Variants in CNTN5 observed in about 807,000 individuals in gnomAD.
CNTN5 encodes the protein contactin 5.
A neutral mutation model predicts 129.1 loss-of-function variants in CNTN5; 77 were observed. The ratio of observed to expected loss-of-function variants is 0.60; its 90% CI spans 0.50 to 0.72. The LOEUF is 0.72. CNTN5 is among the 30% of genes least tolerant of loss of function. The pLI, the probability that CNTN5 is intolerant of heterozygous loss-of-function variation, is 0.00. For synonymous variants in CNTN5, 509 were observed against 465.6 expected (o/e 1.09, Z -1.20); for missense variants, 1,478 against 1,328.8 (o/e 1.11, Z -1.75).
intron 1 of CNTN5, among the ~76,000 whole-genome samples, chr11:99,258,647 C>T (rs1452653471): frequency 1.3e-5 from 2 of 151,880 alleles, no homozygotes; most frequent in African/African-American, 4.8e-5. Flanking sequence ...ATGTAATAAA[C>T]TCATTCATTA....
chr11:100,284,263 T>A (rs1400104687), intron 18 of CNTN5, among the ~76,000 whole-genome samples: 1 of 152,108 alleles, frequency 6.6e-6, no homozygotes, highest in Admixed American at 6.5e-5. Flanking sequence ...CAAAAGTGAG[T>A]TTTATGTGTA....
chr11:99,088,628 C>T (rs1829004426), intron 1 of CNTN5, among the ~76,000 whole-genome samples: 2 of 152,066 alleles, frequency 1.3e-5, no homozygotes, highest in South Asian at 4.1e-4. Context: ...AAAAGGTTGC[C>T]TCCCAATAAA....
chr11:100,192,185 G>A (rs1308937603), intron 14 of CNTN5, among the ~76,000 whole-genome samples: 1 of 151,786 alleles, frequency 6.6e-6, no homozygotes, highest in Non-Finnish European at 1.5e-5. Flanking sequence ...TTCCTTCTGT[G>A]TGCTAGTTGT....
chr11:100,354,859 C>T (rs1421154858), intron 24 of CNTN5, among the ~76,000 whole-genome samples: 1 of 151,538 alleles, frequency 6.6e-6, no homozygotes, highest in African/African-American at 2.4e-5. Context: ...AAGATATAGT[C>T]AGTATAAAAG....
intron 2 of CNTN5, among the ~76,000 whole-genome samples, chr11:99,422,215 C>A (rs1021358706): frequency 6.6e-6 from 1 of 152,144 alleles, no homozygotes; most frequent in East Asian, 1.9e-4. Flanking sequence ...TAAATAGTGG[C>A]AGTCATAAAA....
At chr11:99,716,851 G>T (rs967407899) in intron 3 of CNTN5, among the ~76,000 whole-genome samples, 1 of 152,024 alleles carries the variant, frequency 6.6e-6, no homozygotes, top group Non-Finnish European at 1.5e-5. Flanking sequence ...GTTTTAAAAC[G>T]AAAGTATTTT....
chr11:100,312,651 T>C (rs1281457318), intron 21 of CNTN5, among the ~76,000 whole-genome samples: 1 of 152,064 alleles, frequency 6.6e-6, no homozygotes, highest in Non-Finnish European at 1.5e-5. Context: ...AGGGCATTTG[T>C]CATCAAAACC....
At chr11:99,345,134 A>G (rs1458943108) in intron 2 of CNTN5, among the ~76,000 whole-genome samples, 2 of 152,196 alleles carry the variant, frequency 1.3e-5, no homozygotes, top group African/African-American at 4.8e-5. Flanking sequence ...GGACTCCTGT[A>G]AAGCAAGCAT....
At chr11:99,063,923 G>A (rs10892746) in intron 1 of CNTN5, among the ~76,000 whole-genome samples, 70,201 of 151,724 alleles carry the variant, frequency 0.46, 16,609 homozygotes, top group South Asian at 0.53. Flanking sequence ...TAAGTGTGCA[G>A]TTTTTACCTA....
At chr11:99,409,111 G>A (rs1942268643) in intron 2 of CNTN5, among the ~76,000 whole-genome samples, 1 of 152,064 alleles carries the variant, frequency 6.6e-6, no homozygotes. Flanking sequence ...TAATGTAGTT[G>A]ATATTTCTAA....
chr11:99,963,814 T>C (rs1465131752), intron 8 of CNTN5, among the ~76,000 whole-genome samples: 1 of 152,178 alleles, frequency 6.6e-6, no homozygotes, highest in Non-Finnish European at 1.5e-5. Context: ...TCCATTTGTT[T>C]GTATCCTCTT....
intron 13 of CNTN5, among the ~76,000 whole-genome samples, chr11:100,080,296 G>GAAT (rs1195449040): frequency 6.7e-6 from 1 of 149,440 alleles, no homozygotes; most frequent in African/African-American, 2.4e-5. Flanking sequence ...CAGTATTATA[G>GAAT]AATAATTTTT....
chr11:100,141,936 G>A (rs926329499), intron 13 of CNTN5, among the ~76,000 whole-genome samples: 1 of 152,074 alleles, frequency 6.6e-6, no homozygotes, highest in Admixed American at 6.6e-5. Context: ...ACAGGAAAGA[G>A]CTGCCCTCAA....
intron 9 of CNTN5, among the ~76,000 whole-genome samples, chr11:100,026,018 G>A (rs1322346613): frequency 1.3e-5 from 2 of 152,068 alleles, no homozygotes; most frequent in African/African-American, 4.8e-5. Flanking sequence ...AGATTTGTTT[G>A]GGGCTAGGGG....
intron 6 of CNTN5, among the ~76,000 whole-genome samples, chr11:99,862,738 G>A (rs1178059957): frequency 6.6e-6 from 1 of 152,022 alleles, no homozygotes; most frequent in Non-Finnish European, 1.5e-5. Context: ...ACATTTGAAA[G>A]GATCTTAGTA....
intron 13 of CNTN5, among the ~76,000 whole-genome samples, chr11:100,127,582 G>A (rs1946233147): frequency 6.6e-6 from 1 of 151,094 alleles, no homozygotes; most frequent in East Asian, 1.9e-4. Flanking sequence ...ATCCTACCTG[G>A]AGTCAAGGAA....
chr11:99,204,471 A>ACCT (rs1336123957), intron 1 of CNTN5, among the ~76,000 whole-genome samples: 3 of 152,108 alleles, frequency 2.0e-5, no homozygotes, highest in Non-Finnish European at 4.4e-5. Flanking sequence ...ATATTGACAT[A>ACCT]CCTCCTCCCT....
intron 2 of CNTN5, among the ~76,000 whole-genome samples, chr11:99,409,385 G>A (rs1420804660): frequency 6.6e-6 from 1 of 152,120 alleles, no homozygotes. Context: ...GGAGAATGGC[G>A]TGAACCCGGG....
chr11:100,064,080 T>C (rs1224310645), intron 10 of CNTN5, among the ~76,000 whole-genome samples: 3 of 152,126 alleles, frequency 2.0e-5, no homozygotes, highest in Non-Finnish European at 4.4e-5. Flanking sequence ...TGTCTCATGG[T>C]TTATATTTAG....
Sources: gnomAD v4.1 joint callset for allele counts (sites outside exome capture counted in the v4.1 genomes callset) on GRCh38, gnomAD v4.1.1 for gene constraint, MANE v1.5 for transcripts, NCBI Gene and HGNC (gene_info 2026-07-23, HGNC 2026-07-21) for gene names.